KCNIP3: variants seen among roughly 807,000 people sequenced by gnomAD.
KCNIP3 encodes calsenilin.
A neutral mutation model predicts 35.0 loss-of-function variants in KCNIP3; 28 were observed. The ratio of observed to expected loss-of-function variants is 0.80; its 90% CI spans 0.59 to 1.10. KCNIP3 has a LOEUF of 1.10. Ranked by LOEUF, KCNIP3 falls within the 50% of genes least tolerant of loss-of-function variation. The pLI, the probability that KCNIP3 is intolerant of heterozygous loss-of-function variation, is 0.00. For synonymous variants in KCNIP3, 134 were observed against 133.8 expected, an observed-to-expected ratio of 1.00 and a Z score of -0.01; for missense variants, 295 against 338.4, an observed-to-expected ratio of 0.87 and a Z score of 1.01.
At chr2:95,315,411 G>A (rs753349163) in intron 2 of KCNIP3, among the ~76,000 whole-genome samples, 2 of 152,180 alleles carry the variant, frequency 1.3e-5, no homozygotes, top group Non-Finnish European at 2.9e-5. Context: ...CCACCTGATC[G>A]TCCAGTGCCT....
chr2:95,327,428 C>CACACACGT (rs2104239830), intron 2 of KCNIP3, among the ~76,000 whole-genome samples: 1 of 152,286 alleles, frequency 6.6e-6, no homozygotes, highest in South Asian at 2.1e-4. Context: ...CTCACACATG[C>CACACACGT]ACACACGTAC....
chr2:95,382,003 A>T lies in KCNIP3; in HGVS notation c.555+300A>T, dbSNP rs1385767356. ...GGGGAGATTTAAGTGGAGAAGCCAG[A>T]GGTCCTGGCCTTGGCCCCCATCAAG... is the stretch of plus-strand genomic sequence containing the variant. On this transcript the variant is annotated intron_variant, in intron 6 of 8. Transcript: ENST00000295225. The surrounding 1 kb of genome is among the most constrained non-coding windows in gnomAD (Gnocchi z 4.5). Among the ~76,000 whole-genome samples the T allele has an allele frequency of 6.6e-6, 1 of 152,220 alleles. No homozygotes were observed. Among genetic ancestry groups the T allele is most frequent in the African/African-American group, 2.4e-5 (1 of 41,464 alleles).
chr2:95,321,088 C>A (rs976715081), intron 2 of KCNIP3, among the ~76,000 whole-genome samples: 2 of 151,374 alleles, frequency 1.3e-5, no homozygotes, highest in Non-Finnish European at 3.0e-5. Flanking sequence ...GCCCTGCCCC[C>A]CGAGCCTTCC....
At position 95,377,226 on chromosome 2, in the gene KCNIP3, G is replaced by A. The variant is rs961884849; in HGVS notation, c.447+2018G>A. On this transcript the variant is annotated intron_variant, in intron 5 of 8. Coordinates refer to ENST00000295225, the MANE Select transcript of KCNIP3 (RefSeq NM_013434.5). This position sits in a 1 kb window ranked among gnomAD's most constrained non-coding sequence, Gnocchi z 4.7. Reference sequence around the variant, plus strand: ...CCAGGACGTGCAGAGCTTCCAAAACGATTCCGTAGACTGTTGGGGCCTCTT... The same window carrying A: ...CCAGGACGTGCAGAGCTTCCAAAACAATTCCGTAGACTGTTGGGGCCTCTT... Among the ~76,000 whole-genome samples, 2 of 152,252 alleles carry A rather than the reference G, an allele frequency of 1.3e-5. No homozygotes were observed. Among genetic ancestry groups the A allele is most frequent in the Admixed American group, 6.5e-5 (1 of 15,286 alleles).
At chr2:95,307,028 G>A (rs1678195508) in intron 1 of KCNIP3, among the ~76,000 whole-genome samples, 1 of 152,208 alleles carries the variant, frequency 6.6e-6, no homozygotes, top group Non-Finnish European at 1.5e-5. Context: ...CGGCTGCTGG[G>A]GTCTCCCTGC....
At chr2:95,310,234 A>G (rs1678274760) in intron 1 of KCNIP3, 121 bp from the exon 2 acceptor site, 14 of 1,182,296 alleles carry the variant, frequency 1.2e-5, no homozygotes, top group Non-Finnish European at 1.3e-5. Context: ...GCAGCCCCGG[A>G]AGGTGAGCCC....
intron 3 of KCNIP3, among the ~76,000 whole-genome samples, 190 bp from the exon 4 acceptor site, chr2:95,374,658 C>A (rs1680128282): frequency 6.6e-6 from 1 of 152,176 alleles, no homozygotes; most frequent in Non-Finnish European, 1.5e-5. Context: ...TCACCCCCTT[C>A]CTATTCACCC....
intron 7 of KCNIP3, 105 bp from the exon 8 acceptor site, chr2:95,383,127 A>ACCCCC: frequency 4.0e-6 from 1 of 247,708 alleles, no homozygotes; most frequent in Non-Finnish European, 7.9e-6. Context: ...CCGCCCATCC[A>ACCCCC]CCCACCCGCC....
At chr2:95,315,438 C>T (rs1240279863) in intron 2 of KCNIP3, among the ~76,000 whole-genome samples, 1 of 152,182 alleles carries the variant, frequency 6.6e-6, no homozygotes, top group Non-Finnish European at 1.5e-5. Context: ...CCCCAGCGCC[C>T]CTTGGAGGGC....
chr2:95,349,153 G>A (rs1251997188), intron 2 of KCNIP3, among the ~76,000 whole-genome samples: 1 of 152,108 alleles, frequency 6.6e-6, no homozygotes, highest in African/African-American at 2.4e-5. Context: ...GTGGGGAATG[G>A]TGTCAGCCAG....
intron 2 of KCNIP3, among the ~76,000 whole-genome samples, chr2:95,321,212 G>T (rs1400746347): frequency 6.6e-6 from 1 of 152,238 alleles, no homozygotes; most frequent in Non-Finnish European, 1.5e-5. Context: ...GGGTCACAGA[G>T]CCGGTTTCGC....
chr2:95,324,240 G>A (rs1169485251), intron 2 of KCNIP3, among the ~76,000 whole-genome samples: 4 of 152,222 alleles, frequency 2.6e-5, no homozygotes, highest in Middle Eastern at 3.2e-3. Flanking sequence ...GGCCGGGCGC[G>A]GTGGCTCACG....
At chr2:95,337,745 T>C (rs1156907751) in intron 2 of KCNIP3, among the ~76,000 whole-genome samples, 1 of 152,220 alleles carries the variant, frequency 6.6e-6, no homozygotes, top group East Asian at 1.9e-4. Context: ...CCCCTGATGA[T>C]GTCCTCACCT....
rs2104252999 is a variant in KCNIP3 at position 95,337,809 on chromosome 2, G to T, written c.181+27289G>T. The stretch of plus-strand genomic sequence containing the variant: ...CAGGCCACCCTCATCTTTCACCCAA[G>T]CTCTCTGCTGTCCTCATGATGGGCT... On this transcript the variant is annotated intron_variant, in intron 2 of 8. Coordinates refer to ENST00000295225, the MANE Select transcript of KCNIP3 (RefSeq NM_013434.5). Among the ~76,000 whole-genome samples, 2 of 152,264 alleles carry T rather than the reference G, an allele frequency of 1.3e-5. 1 individual carries two copies. The highest frequency in any genetic ancestry group is 4.2e-4 in the South Asian group (2 of 4,816).
chr2:95,365,806 C>T (rs529683351), intron 2 of KCNIP3, among the ~76,000 whole-genome samples: 1 of 152,186 alleles, frequency 6.6e-6, no homozygotes, highest in East Asian at 1.9e-4. Context: ...CTCTTTTACA[C>T]CCCTATTTCC....
chr2:95,366,672 C>T (rs1481736168), intron 2 of KCNIP3, among the ~76,000 whole-genome samples: 1 of 152,098 alleles, frequency 6.6e-6, no homozygotes, highest in Non-Finnish European at 1.5e-5. Flanking sequence ...CGCTCTGCAT[C>T]CCCCCACTGC....
chr2:95,324,662 C>T (rs886382156), intron 2 of KCNIP3, among the ~76,000 whole-genome samples: 21 of 151,994 alleles, frequency 1.4e-4, no homozygotes, highest in Non-Finnish European at 2.1e-4. Flanking sequence ...CCTGTAATCC[C>T]AGCACTTTGG....
chr2:95,309,502 T>G (rs572244801), intron 1 of KCNIP3, among the ~76,000 whole-genome samples: 29 of 151,608 alleles, frequency 1.9e-4, no homozygotes, highest in Non-Finnish European at 3.5e-4. Context: ...CAGCTCACTG[T>G]AACCTCCGTC....
chr2:95,357,625 T>G (rs1456684400), intron 2 of KCNIP3, among the ~76,000 whole-genome samples: 1 of 152,184 alleles, frequency 6.6e-6, no homozygotes, highest in Non-Finnish European at 1.5e-5. Flanking sequence ...GGGTATCATG[T>G]GAAGTCATGA....
Sources: allele counts gnomAD v4.1 joint callset (sites outside exome capture counted in the v4.1 genomes callset), GRCh38; gene constraint gnomAD v4.1.1; non-coding constraint Gnocchi (gnomAD v3.1); transcripts MANE v1.5; gene names NCBI Gene and HGNC (gene_info 2026-07-23, HGNC 2026-07-21).